Variants in ANKRD24 observed in about 807,000 individuals in gnomAD.
ANKRD24 encodes the protein ankyrin repeat domain-containing protein 24.
Under a neutral mutation model 127.8 loss-of-function variants are expected in ANKRD24, and 109 were observed. The ratio of observed to expected loss-of-function variants is 0.85; its 90% CI spans 0.73 to 1.00. The LOEUF is 1.00. ANKRD24 is among the 50% of genes least tolerant of loss of function. ANKRD24 has a pLI of 0.00. For synonymous variants in ANKRD24, 743 were observed against 671.1 expected, an observed-to-expected ratio of 1.11 and a Z score of -1.66; for missense variants, 1,648 against 1,570.2, an observed-to-expected ratio of 1.05 and a Z score of -0.84.
chr19:4,196,445 G>A lies in ANKRD24; in HGVS notation c.37-3238G>A, dbSNP rs558633639. 3.7e-4 allele frequency among the ~76,000 whole-genome samples: 56 copies of A among 152,158 alleles called. 1 individual carries two copies. In the South Asian group the frequency reaches 9.7e-3, roughly 26 times the overall value. ...GGCTGGAGTGCAGTGACGCGATCTC[G>A]GCTTACTGCAACCTCTGCCTCCAGG... On this transcript the variant is annotated intron_variant, in intron 2 of 21. Transcript: ENST00000318934.
chr19:4,219,585 C>T lies in ANKRD24; in HGVS notation c.3004-6C>T. On this transcript the variant is annotated splice_polypyrimidine_tract_variant and splice_region_variant and intron_variant, in intron 18 of 21. Transcript: ENST00000318934. ...CCTGAGAGTCATGCGTGGGCTTGGG[C>T]CACAGGTGCAGCGTGAGGCCCTGTT... is the stretch of plus-strand genomic sequence containing the variant. The T allele has an allele frequency of 6.2e-7, 1 of 1,602,598 alleles. No individual in the cohort carries two copies. Among genetic ancestry groups the T allele is most frequent in the Non-Finnish European group, 8.5e-7 (1 of 1,171,746 alleles).
At chr19:4,212,766 C>G (rs1402501278) in intron 15 of ANKRD24, 68 bp downstream of exon 15, 27 of 1,402,912 alleles carry the variant, frequency 1.9e-5, no homozygotes, top group Non-Finnish European at 2.6e-5. Flanking sequence ...ACAGCAGCGA[C>G]AAGACAGTCA....
At position 4,212,530 on chromosome 19, in the gene ANKRD24, G is replaced by T; in HGVS notation, c.1098+17G>T. ...GAGAGACAGGTAGGTGGGAAGGTGG[G>T]GAGGAGCCGGTCCTCCTGCTGCCCA... On this transcript the variant is annotated intron_variant, in intron 14 of 21. Transcript: ENST00000318934. 1 of 1,553,754 alleles carries T rather than the reference G, an allele frequency of 6.4e-7. No homozygotes were observed.
chr19:4,205,316 A>G (rs1418821759), intron 7 of ANKRD24, among the ~76,000 whole-genome samples: 2 of 152,242 alleles, frequency 1.3e-5, no homozygotes, highest in African/African-American at 4.8e-5. Flanking sequence ...CGTGTTGTAG[A>G]TAAGGTTTGC....
chr19:4,219,699 C>T lies in ANKRD24; in HGVS notation c.3112C>T (p.Arg1038Cys), dbSNP rs373558892. 1.3e-5 allele frequency: 21 copies of T among 1,613,528 alleles called. No individual in the cohort carries two copies. Among genetic ancestry groups the T allele is most frequent in the East Asian group, 8.9e-5 (4 of 44,872 alleles). The change falls in exon 19 of 22, where the codon CGC (arginine) becomes TGC (cysteine). Residue 1038 changes from arginine (R) to cysteine (C), a missense_variant. Physicochemically the swap from Arg to Cys is radical, Grantham distance 180. Transcript: ENST00000318934. ...RGLRTEAERA[R>C]QAQSRAQEAL... ...GCTACGGACCGAGGCGGAAAGGGCT[C>T]GCCAGGCCCAGAGCCGGGCCCAGGA...
chr19:4,212,412 A>G (rs967277372), intron 13 of ANKRD24, 63 bp from the exon 14 acceptor site: 2 of 1,531,450 alleles, frequency 1.3e-6, no homozygotes, highest in Middle Eastern at 2.3e-4. Flanking sequence ...GCTATGAAGC[A>G]GGAGGTGGGG....
At position 4,224,652 on chromosome 19, in the gene ANKRD24, C is replaced by T. The variant is rs868510786; in HGVS notation, c.*147C>T. The T allele has an allele frequency of 1.3e-5, 10 of 752,546 alleles. No homozygotes were observed. The highest frequency in any genetic ancestry group is 1.0e-4 in the African/African-American group (6 of 57,634). The allele number at this position is 752,546 out of a possible 1,614,324, so 46.6% of individuals were successfully genotyped here. A position where few individuals can be genotyped will look rare whatever the true frequency, so the allele number is the denominator to read the frequency against. The stretch of plus-strand genomic sequence containing the variant: ...AGACCAGCCTGGTTCCCTGCCCGAC[C>T]ACCCCCAGCTGGCTCCATCACCCCA... On this transcript the variant is annotated 3_prime_UTR_variant, in exon 22 of 22. Transcript: ENST00000318934.
At chr19:4,192,698 A>G (rs1049789346) in intron 2 of ANKRD24, among the ~76,000 whole-genome samples, 2 of 151,594 alleles carry the variant, frequency 1.3e-5, no homozygotes, top group East Asian at 4.0e-4. Flanking sequence ...TAGGAGATCA[A>G]GATGGGAGGA....
rs779984482 is a variant in ANKRD24 at position 4,210,158 on chromosome 19, C to T, written c.951+20C>T. ...ATGCCGGTGAGAGATGCTCTGGGCA[C>T]GGGAGGAGGCATGGGGAGCCCCCAG... On this transcript the variant is annotated intron_variant, in intron 12 of 21. Transcript: ENST00000318934. 2.1e-5 allele frequency: 34 copies of T among 1,593,150 alleles called. No individual in the cohort carries two copies. The highest frequency in any genetic ancestry group is 3.4e-4 in the Middle Eastern group (2 of 5,882).
chr19:4,216,916 G>A lies in ANKRD24; in HGVS notation c.1756G>A (p.Ala586Thr), dbSNP rs1368278609. 2 of 1,610,092 alleles carry A rather than the reference G, an allele frequency of 1.2e-6. No homozygotes were observed. The highest frequency in any genetic ancestry group is 1.1e-5 in the South Asian group (1 of 90,458). The change falls in exon 18 of 22, where the codon GCC becomes ACC. Residue 586 changes from alanine to threonine, a missense_variant. Coordinates refer to ENST00000318934, the MANE Select transcript of ANKRD24 (RefSeq NM_001393985.1). ...TMEAEATGAE[A>T]TGAEATGAKV... ...GGAAGCTGAGGCCACGGGAGCCGAG[G>A]CCACGGGAGCTGAGGCCACAGGAGC...
chr19:4,196,146 G>A (rs1339779563), intron 2 of ANKRD24, among the ~76,000 whole-genome samples: 2 of 152,210 alleles, frequency 1.3e-5, no homozygotes, highest in Non-Finnish European at 2.9e-5. Flanking sequence ...AATGCCCACA[G>A]TGCTTCCTTG....
At chr19:4,184,790 TG>T (rs1967961116) in intron 1 of ANKRD24, among the ~76,000 whole-genome samples, 1 of 151,358 alleles carries the variant, frequency 6.6e-6, no homozygotes. Flanking sequence ...GGTGGATGGA[TG>T]GGGGGCGAAT....
intron 7 of ANKRD24, among the ~76,000 whole-genome samples, chr19:4,206,906 T>C (rs1044163205): frequency 2.0e-5 from 3 of 152,060 alleles, no homozygotes; most frequent in African/African-American, 7.2e-5. Flanking sequence ...TTTGTCTTCC[T>C]TTCTTTTCTT....
chr19:4,196,341 TTG>T (rs2145258396), intron 2 of ANKRD24, among the ~76,000 whole-genome samples: 1 of 128,646 alleles, frequency 7.8e-6, no homozygotes, highest in Non-Finnish European at 1.9e-5. Context: ...CTCGGTTTTG[TTG>T]TTGTTGTTGT....
At chr19:4,204,209 C>T (rs1399237410) in intron 7 of ANKRD24, among the ~76,000 whole-genome samples, 1 of 151,580 alleles carries the variant, frequency 6.6e-6, no homozygotes, top group African/African-American at 2.4e-5. Context: ...TCGTGATCCG[C>T]CTGCTCGGCC....
At chr19:4,202,519 G>A (rs752384727) in intron 6 of ANKRD24, among the ~76,000 whole-genome samples, 1 of 152,032 alleles carries the variant, frequency 6.6e-6, no homozygotes, top group Non-Finnish European at 1.5e-5. Context: ...GCAGTGAGCC[G>A]AGATCATGCC....
chr19:4,193,619 C>T (rs927581435), intron 2 of ANKRD24, among the ~76,000 whole-genome samples: 9 of 151,854 alleles, frequency 5.9e-5, no homozygotes, highest in African/African-American at 1.9e-4. Flanking sequence ...GAGCAGATCA[C>T]CTGAGATCAG....
chr19:4,217,576 C>A lies in ANKRD24; in HGVS notation c.2416C>A (p.Arg806=). Residue 806 remains arginine, a synonymous_variant, in exon 18 of 22, where the codon CGG becomes AGG. Transcript: ENST00000318934. The part of the protein sequence containing the change: ...EDLRDRDSRL[R]ELEAASACLD... ...CCTCCGAGACCGGGACTCCCGCCTG[C>A]GGGAGCTGGAGGCGGCCTCGGCCTG... 1 of 1,307,232 alleles carries A rather than the reference C, an allele frequency of 7.6e-7. No individual in the cohort carries two copies. Among genetic ancestry groups the A allele is most frequent in the Non-Finnish European group, 9.7e-7 (1 of 1,032,254 alleles). The allele number at this position is 1,307,232 out of a possible 1,614,324, so 81.0% of individuals were successfully genotyped here.
At chr19:4,210,782 C>T (rs1222101884) in intron 13 of ANKRD24, among the ~76,000 whole-genome samples, 2 of 109,958 alleles carry the variant, frequency 1.8e-5, no homozygotes, top group Non-Finnish European at 4.1e-5. Flanking sequence ...CACCCCCCAC[C>T]ACCCCCCCGG....
Sources: gnomAD v4.1 joint callset for allele counts (sites outside exome capture counted in the v4.1 genomes callset) on GRCh38, gnomAD v4.1.1 for gene constraint, MANE v1.5 for transcripts, NCBI Gene and HGNC (gene_info 2026-07-23, HGNC 2026-07-21) for gene names.